Variants in ADCY5 observed in about 807,000 individuals in gnomAD.
ADCY5 encodes the protein adenylate cyclase 5.
Under a neutral mutation model 119.7 loss-of-function variants are expected in ADCY5, and 30 were observed. The observed-to-expected ratio is 0.25, with a 90% CI of 0.19 to 0.34. The LOEUF (loss-of-function observed/expected upper bound fraction) is 0.34. Ranked by LOEUF, ADCY5 falls within the 10% of genes least tolerant of loss-of-function variation. The pLI is 1.00. For missense variants in ADCY5, 1,324 were observed against 1,775.2 expected, an observed-to-expected ratio of 0.75 and a Z score of 4.57; for synonymous variants, 753 against 762.2, an observed-to-expected ratio of 0.99 and a Z score of 0.20.
chr3:123,325,497 G>C, intron 7 of ADCY5, 35 bp from the exon 8 acceptor site: 2 of 1,613,582 alleles, frequency 1.2e-6, no homozygotes, highest in Non-Finnish European at 1.7e-6. Context: ...GGGAGATGAG[G>C]AGTCCAAGCG....
chr3:123,309,318 G>A (rs114856481), intron 12 of ADCY5, among the ~76,000 whole-genome samples: 1,884 of 152,312 alleles, frequency 0.012, 40 homozygotes, highest in African/African-American at 0.044. Context: ...AAGAAAAAAA[G>A]GTAAGAAAAC....
intron 1 of ADCY5, among the ~76,000 whole-genome samples, chr3:123,358,447 A>G (rs1257906607): frequency 6.6e-6 from 1 of 152,190 alleles, no homozygotes; most frequent in Non-Finnish European, 1.5e-5. Flanking sequence ...TCTACAAAAA[A>G]TAAAAATAAA....
chr3:123,319,984 G>A (rs1437263874), intron 9 of ADCY5, among the ~76,000 whole-genome samples, 166 bp from the exon 10 acceptor site: 2 of 152,218 alleles, frequency 1.3e-5, no homozygotes, highest in African/African-American at 2.4e-5. Context: ...AGCCTAAGCC[G>A]TGCTCTTAAC....
At chr3:123,364,260 C>T (rs959767557) in intron 1 of ADCY5, among the ~76,000 whole-genome samples, 3 of 152,128 alleles carry the variant, frequency 2.0e-5, no homozygotes, top group African/African-American at 7.2e-5. Context: ...CATGCTTGTG[C>T]TATGAGCACG....
intron 1 of ADCY5, among the ~76,000 whole-genome samples, chr3:123,397,817 T>C (rs1944644845): frequency 6.6e-6 from 1 of 152,086 alleles, no homozygotes; most frequent in African/African-American, 2.4e-5. Context: ...AAAGGGGGCT[T>C]TTGTAACTCT....
intron 1 of ADCY5, among the ~76,000 whole-genome samples, chr3:123,409,865 T>C (rs1289361633): frequency 6.6e-6 from 1 of 152,166 alleles, no homozygotes; most frequent in Non-Finnish European, 1.5e-5. Context: ...GCTGAGAAAG[T>C]TCCCTGTGGT....
At chr3:123,366,535 G>A (rs561675750) in intron 1 of ADCY5, among the ~76,000 whole-genome samples, 1 of 152,368 alleles carries the variant, frequency 6.6e-6, no homozygotes, top group African/African-American at 2.4e-5. Flanking sequence ...CAAGGGATAT[G>A]GAGGTATATG....
intron 1 of ADCY5, among the ~76,000 whole-genome samples, chr3:123,412,862 T>C (rs1576679477): frequency 6.7e-6 from 1 of 150,198 alleles, no homozygotes; most frequent in African/African-American, 2.4e-5. Flanking sequence ...GTTCAATGAC[T>C]GCCCTAAATA....
Position 123,448,548 on chromosome 3 carries a change from C to A in ADCY5, c.-3G>T, listed in dbSNP as rs1359734493. Reference sequence around the variant, plus strand: ...CTCACGCTTTTGGAGCCGGACATCCCCCCCTCGGCCTCGTCGTCTCCTTCC... The same window carrying A: ...CTCACGCTTTTGGAGCCGGACATCCACCCCTCGGCCTCGTCGTCTCCTTCC... On this transcript the variant is annotated 5_prime_UTR_variant, in exon 1 of 21. Coordinates refer to ENST00000462833, the MANE Select transcript of ADCY5 (RefSeq NM_183357.3). The A allele has an allele frequency of 2.4e-6, 3 of 1,263,976 alleles. No individual in the cohort carries two copies. Among genetic ancestry groups the A allele is most frequent in the South Asian group, 5.9e-5 (2 of 33,988 alleles). The allele number at this position is 1,263,976 out of a possible 1,614,324, so 78.3% of individuals were successfully genotyped here. A position where few individuals can be genotyped will look rare whatever the true frequency, so the allele number is the denominator to read the frequency against.
chr3:123,327,736 GTAGCCTT>G lies in ADCY5; in HGVS notation c.1822_1828del (p.Lys608HisfsTer5), dbSNP rs1941564594. The G allele has an allele frequency of 6.2e-7, 1 of 1,613,972 alleles. No homozygotes were observed. The highest frequency in any genetic ancestry group is 1.1e-5 in the South Asian group (1 of 91,074). On this transcript the variant is annotated frameshift_variant, in exon 7 of 21. Coordinates refer to ENST00000462833, the MANE Select transcript of ADCY5 (RefSeq NM_183357.3). LOFTEE classifies it high-confidence loss of function. ...GTAGTCCCCATTCAGGTAGTTGAGTGTAGCCTTGGTGATGTGGATGCGTCTACAGGGG... is the reference window on the plus strand; with the variant it reads ...GTAGTCCCCATTCAGGTAGTTGAGTGGGTGATGTGGATGCGTCTACAGGGG...
At chr3:123,349,813 C>T (rs1242423986) in intron 2 of ADCY5, among the ~76,000 whole-genome samples, 1 of 152,230 alleles carries the variant, frequency 6.6e-6, no homozygotes, top group African/African-American at 2.4e-5. Flanking sequence ...GGGTACCCTC[C>T]AGATCACTTT....
At position 123,286,651 on chromosome 3, in the gene ADCY5, T is replaced by C. The variant is rs200974373; in HGVS notation, c.3657+34A>G. On this transcript the variant is annotated intron_variant, in intron 20 of 20. Coordinates refer to ENST00000462833, the MANE Select transcript of ADCY5 (RefSeq NM_183357.3). The surrounding 1 kb of genome is among the most constrained non-coding windows in gnomAD (Gnocchi z 4.2). The stretch of plus-strand genomic sequence containing the variant: ...TCGGTGTCAGACACAGGACCTCCCA[T>C]GGGGTGAGGGGTGGTGGATGCTCCT... 4.5e-6 allele frequency: 7 copies of C among 1,572,568 alleles called. No individual in the cohort carries two copies. The highest frequency in any genetic ancestry group is 1.9e-5 in the Admixed American group (1 of 52,664).
chr3:123,284,673 C>T lies in ADCY5; in HGVS notation c.3721G>A (p.Val1241Ile). The T allele has an allele frequency of 6.2e-7, 1 of 1,614,248 alleles. No individual in the cohort carries two copies. The part of the protein sequence containing the change: ...NTYQLECRGV[V>I]KVKGKGEMMT... ...ATCTCGCCTTTGCCCTTGACCTTGA[C>T]CACGCCCCGGCACTCCAGCTGGTAC... Residue 1241 changes from valine to isoleucine, a missense_variant, in exon 21 of 21, where the codon GTC becomes ATC. Physicochemically the swap from Val to Ile is conservative, Grantham distance 29. Coordinates refer to ENST00000462833, the MANE Select transcript of ADCY5 (RefSeq NM_183357.3).
chr3:123,370,249 C>T (rs971385285), intron 1 of ADCY5, among the ~76,000 whole-genome samples: 1 of 152,294 alleles, frequency 6.6e-6, no homozygotes, highest in East Asian at 1.9e-4. Flanking sequence ...ACACCACCGC[C>T]CCCTTTAGAA....
At chr3:123,424,402 TG>T (rs1225278231) in intron 1 of ADCY5, among the ~76,000 whole-genome samples, 1 of 152,136 alleles carries the variant, frequency 6.6e-6, no homozygotes, top group East Asian at 1.9e-4. Context: ...AAGCAGACCT[TG>T]GGGCCTCCCC....
chr3:123,414,569 T>C (rs1945140914), intron 1 of ADCY5, among the ~76,000 whole-genome samples: 1 of 152,140 alleles, frequency 6.6e-6, no homozygotes, highest in Non-Finnish European at 1.5e-5. Flanking sequence ...CTTACCTTTT[T>C]TTTTTGAGAC....
intron 1 of ADCY5, among the ~76,000 whole-genome samples, chr3:123,430,626 T>C (rs1310903141): frequency 6.6e-6 from 1 of 152,166 alleles, no homozygotes; most frequent in African/African-American, 2.4e-5. Flanking sequence ...TAAAAATAAG[T>C]GTAAAGCAAA....
chr3:123,410,596 T>C (rs1484967209), intron 1 of ADCY5, among the ~76,000 whole-genome samples: 1 of 151,996 alleles, frequency 6.6e-6, no homozygotes, highest in African/African-American at 2.4e-5. Context: ...ATAAAGGACA[T>C]AAAATAAAGG....
At chr3:123,322,573 C>T (rs1941276488) in intron 8 of ADCY5, among the ~76,000 whole-genome samples, 1 of 152,120 alleles carries the variant, frequency 6.6e-6, no homozygotes, top group South Asian at 2.1e-4. Context: ...GGCTCAAATC[C>T]CGCCACCTAC....
Sources: gnomAD v4.1 joint callset for allele counts (sites outside exome capture counted in the v4.1 genomes callset) on GRCh38, gnomAD v4.1.1 for gene constraint, Gnocchi (gnomAD v3.1) non-coding constraint, MANE v1.5 for transcripts, NCBI Gene and HGNC (gene_info 2026-07-23, HGNC 2026-07-21) for gene names.